MYO6: variants seen among roughly 807,000 people sequenced by gnomAD.
MYO6 encodes myosin VI.
In MYO6, 74 loss-of-function variants were observed where a neutral mutation model predicts 178.7. The ratio of observed to expected loss-of-function variants is 0.41; its 90% confidence interval spans 0.34 to 0.50. MYO6 has a LOEUF of 0.50. Ranked by LOEUF, MYO6 falls within the 20% of genes least tolerant of loss-of-function variation. The pLI is 0.09. For missense variants in MYO6, 1,330 were observed against 1,547.4 expected (o/e 0.86, Z 2.36); for synonymous variants, 477 against 504.6 (o/e 0.95, Z 0.73).
chr6:75,822,721 CT>C, intron 2 of MYO6, 60 bp from the exon 3 acceptor site: 2 of 1,342,852 alleles, frequency 1.5e-6, no homozygotes, highest in Non-Finnish European at 2.1e-6. Context: ...CAATTAAGCC[CT>C]TCTATTGTTC....
At chr6:75,850,488 G>A (rs1238006059) in intron 11 of MYO6, among the ~76,000 whole-genome samples, 1 of 152,188 alleles carries the variant, frequency 6.6e-6, no homozygotes, top group Non-Finnish European at 1.5e-5. Flanking sequence ...TAACACAGAG[G>A]CTTGTGATAA....
intron 1 of MYO6, among the ~76,000 whole-genome samples, chr6:75,795,219 A>G (rs1263506241): frequency 6.6e-6 from 1 of 152,174 alleles, no homozygotes. Flanking sequence ...AAATCATCCT[A>G]TGTTGGTGGT....
chr6:75,830,656 G>C, intron 5 of MYO6, 111 bp downstream of exon 5: 1 of 1,075,116 alleles, frequency 9.3e-7, no homozygotes, highest in Non-Finnish European at 1.4e-6. Flanking sequence ...ATATATTTTG[G>C]AGAAACTGTA....
At position 75,848,332 on chromosome 6, in the gene MYO6, G is replaced by A; in HGVS notation, c.898-19G>A. 1 of 1,607,478 alleles carries A rather than the reference G, an allele frequency of 6.2e-7. No individual in the cohort carries two copies. The highest frequency in any genetic ancestry group is 1.3e-5 in the African/African-American group (1 of 74,870). On this transcript the variant is annotated intron_variant, in intron 10 of 34. Transcript: ENST00000369977. ...AAATAATGTAACGATCAGTTAATTG[G>A]TGTCTTCTTGTTTTGTAGTACCTTA...
chr6:75,786,944 A>C (rs576745134), intron 1 of MYO6, among the ~76,000 whole-genome samples: 7 of 152,330 alleles, frequency 4.6e-5, no homozygotes, highest in Admixed American at 2.0e-4. Context: ...CGGAGTTCAC[A>C]TGTCTGAAGC....
chr6:75,869,402 G>A (rs571963618), intron 18 of MYO6, among the ~76,000 whole-genome samples: 5 of 152,126 alleles, frequency 3.3e-5, no homozygotes, highest in African/African-American at 1.2e-4. Context: ...TATTAGCTCC[G>A]TAACCTCGGG....
rs371859542 is a variant in MYO6 at position 75,876,777 on chromosome 6, T to G, written c.2078-3043T>G. 2.6e-5 allele frequency among the ~76,000 whole-genome samples: 4 copies of G among 152,128 alleles called. No individual in the cohort carries two copies. The East Asian group carries it at 7.7e-4, about 29-fold the overall frequency. On this transcript the variant is annotated intron_variant, in intron 20 of 34. Coordinates refer to ENST00000369977, the MANE Select transcript of MYO6 (RefSeq NM_004999.4). ...TAAGTATCAATAATAGATATCATAA[T>G]AGTAATAATGATAATGATATAGAAT...
intron 29 of MYO6, among the ~76,000 whole-genome samples, chr6:75,896,992 T>A (rs1197382369): frequency 6.6e-6 from 1 of 152,216 alleles, no homozygotes; most frequent in Non-Finnish European, 1.5e-5. Flanking sequence ...TTGGTCTAGG[T>A]CAGGTGTATC....
intron 1 of MYO6, among the ~76,000 whole-genome samples, chr6:75,750,218 C>T (rs1005621542): frequency 4.0e-5 from 6 of 151,856 alleles, no homozygotes; most frequent in Non-Finnish European, 8.8e-5. Flanking sequence ...CCACAGCCTC[C>T]CGAGTAGCTG....
chr6:75,814,990 A>G lies in MYO6; in HGVS notation c.-47-2511A>G, dbSNP rs142535175. 3.7e-4 allele frequency among the ~76,000 whole-genome samples: 56 copies of G among 152,330 alleles called. No homozygotes were observed. The East Asian group carries it at 8.5e-3, about 23-fold the overall frequency. Reference sequence around the variant, plus strand: ...AGTTGCTTACTGTGTGCTGGGCCTTAGGGACACAGAGAGGAGTAGTCCAAG... The same window carrying G: ...AGTTGCTTACTGTGTGCTGGGCCTTGGGGACACAGAGAGGAGTAGTCCAAG... On this transcript the variant is annotated intron_variant, in intron 1 of 34. Transcript: ENST00000369977.
chr6:75,833,684 T>A (rs1479228851), intron 6 of MYO6, among the ~76,000 whole-genome samples: 1 of 152,244 alleles, frequency 6.6e-6, no homozygotes, highest in East Asian at 1.9e-4. Context: ...CCATCCTTCC[T>A]TTTTAAGGCT....
chr6:75,881,866 G>C, intron 23 of MYO6, 48 bp downstream of exon 23: 1 of 1,606,496 alleles, frequency 6.2e-7, no homozygotes, highest in Non-Finnish European at 8.5e-7. Flanking sequence ...GTTTCAAGAT[G>C]GTTTGTGGAG....
chr6:75,846,356 T>C (rs964530004), intron 10 of MYO6, among the ~76,000 whole-genome samples: 6 of 152,044 alleles, frequency 3.9e-5, no homozygotes, highest in Non-Finnish European at 5.9e-5. Flanking sequence ...TTAATGCTTC[T>C]ACATTTGTAA....
intron 3 of MYO6, among the ~76,000 whole-genome samples, chr6:75,823,367 C>T (rs1304953575): frequency 6.6e-6 from 1 of 152,114 alleles, no homozygotes; most frequent in Non-Finnish European, 1.5e-5. Flanking sequence ...ATGAAAAAAG[C>T]TCTTCTCGAT....
chr6:75,899,335 T>C (rs1779549918), intron 30 of MYO6, among the ~76,000 whole-genome samples: 4 of 151,352 alleles, frequency 2.6e-5, no homozygotes, highest in Non-Finnish European at 4.4e-5. Flanking sequence ...ATTATGTCAA[T>C]TTACCTCTTC....
At chr6:75,843,763 G>GAA (rs397816925) in intron 9 of MYO6, among the ~76,000 whole-genome samples, 21 of 143,962 alleles carry the variant, frequency 1.5e-4, no homozygotes, top group Non-Finnish European at 1.7e-4. Context: ...TAGGGTGGAA[G>GAA]AAAAAAAAAA....
At chr6:75,914,537 T>C (rs1489209983) in intron 34 of MYO6, among the ~76,000 whole-genome samples, 1 of 152,184 alleles carries the variant, frequency 6.6e-6, no homozygotes, top group African/African-American at 2.4e-5. Flanking sequence ...TTTCATCATA[T>C]CCATTGATTT....
In MYO6 at chr6:75,914,205, T is replaced by C; in HGVS notation, c.3582T>C (p.Tyr1194=). Residue 1194 remains tyrosine (Y), a synonymous_variant, in exon 34 of 35, where the codon TAT becomes TAC. Transcript: ENST00000369977. The stretch of plus-strand genomic sequence containing the variant: ...AGAGTAAGAAAAAAGGCTGGTGGTA[T>C]GCCCATTTTGATGGACCATGGATTG... ...DPQSKKKGWW[Y]AHFDGPWIAR... 6.2e-7 allele frequency: 1 copy of C among 1,614,182 alleles called. No individual in the cohort carries two copies. The highest frequency in any genetic ancestry group is 8.5e-7 in the Non-Finnish European group (1 of 1,180,036).
At chr6:75,778,792 C>T (rs1446086842) in intron 1 of MYO6, among the ~76,000 whole-genome samples, 1 of 151,232 alleles carries the variant, frequency 6.6e-6, no homozygotes, top group Non-Finnish European at 1.5e-5. Context: ...TGCAGTGGCT[C>T]ACGCCTGTAA....
Sources: allele counts gnomAD v4.1 joint callset (sites outside exome capture counted in the v4.1 genomes callset), GRCh38; gene constraint gnomAD v4.1.1; transcripts MANE v1.5; gene names NCBI Gene and HGNC (gene_info 2026-07-23, HGNC 2026-07-21).